The following UMAD1 variants were observed in gnomAD, a reference collection of about 807,000 sequenced individuals.
The protein encoded by UMAD1 is UBAP1-MVB12-associated (UMA) domain containing 1.
A neutral mutation model predicts 6.1 loss-of-function variants in UMAD1; 8 were observed. The ratio of observed to expected loss-of-function variants is 1.30; its 90% confidence interval spans 0.76 to 2.35. UMAD1 has a LOEUF of 2.35. UMAD1 is among the 30% of genes most tolerant of loss of function. The pLI, the probability that UMAD1 is intolerant of heterozygous loss-of-function variation, is 0.00. For missense variants in UMAD1, 130 were observed against 78.4 expected (o/e 1.66, Z -2.49); for synonymous variants, 56 against 31.4 (o/e 1.78, Z -2.61).
chr7:7,731,068 G>A (rs59441244), intron 2 of UMAD1, among the ~76,000 whole-genome samples: 19,637 of 152,102 alleles, frequency 0.13, 1,457 homozygotes, highest in African/African-American at 0.21. Context: ...CACCAATCTC[G>A]GCTCATTGCA....
chr7:7,837,342 A>T (rs1025551790), intron 3 of UMAD1, among the ~76,000 whole-genome samples: 1 of 152,110 alleles, frequency 6.6e-6, no homozygotes, highest in African/African-American at 2.4e-5. Context: ...ATGATCCCAG[A>T]TGGAAGATGT....
intron 2 of UMAD1, among the ~76,000 whole-genome samples, chr7:7,762,366 C>A (rs185270212): frequency 2.0e-5 from 3 of 152,302 alleles, no homozygotes; most frequent in Admixed American, 1.3e-4. Flanking sequence ...AGTCACAACA[C>A]ATTTTAATAT....
Position 7,877,580 on chromosome 7 carries a change from C to A in UMAD1, c.*42C>A, listed in dbSNP as rs1399763271. 2.8e-6 allele frequency: 2 copies of A among 702,642 alleles called. No homozygotes were observed. The highest frequency in any genetic ancestry group is 1.5e-5 in the South Asian group (1 of 66,124). 43.5% of individuals were successfully genotyped at this position (702,642 alleles called of 1,614,324 possible). Reference sequence around the variant, plus strand: ...CACCTTAACAGCTTTAAAATATGTTCGCCTATTTTATCTAACCTGTTTGAT... The same window carrying A: ...CACCTTAACAGCTTTAAAATATGTTAGCCTATTTTATCTAACCTGTTTGAT... On this transcript the variant is annotated 3_prime_UTR_variant, in exon 4 of 4. Coordinates refer to ENST00000682710, the MANE Select transcript of UMAD1 (RefSeq NM_001302348.2).
chr7:7,820,069 G>A (rs1415546981), intron 3 of UMAD1, among the ~76,000 whole-genome samples: 6 of 152,142 alleles, frequency 3.9e-5, no homozygotes, highest in Admixed American at 6.5e-5. Context: ...TGTCACTCAG[G>A]CAAATTTTAG....
At chr7:7,647,529 T>C (rs535936804) in intron 1 of UMAD1, among the ~76,000 whole-genome samples, 3 of 152,346 alleles carry the variant, frequency 2.0e-5, no homozygotes, top group Admixed American at 2.0e-4. Flanking sequence ...AATATCTCAA[T>C]TATCGATAAA....
At chr7:7,688,902 A>G (rs1780103434) in intron 2 of UMAD1, among the ~76,000 whole-genome samples, 1 of 152,142 alleles carries the variant, frequency 6.6e-6, no homozygotes, top group Non-Finnish European at 1.5e-5. Flanking sequence ...CTATTAAGGT[A>G]TTTTCTCCAA....
intron 2 of UMAD1, among the ~76,000 whole-genome samples, chr7:7,693,926 A>G (rs1439435493): frequency 9.2e-5 from 14 of 152,184 alleles, no homozygotes; most frequent in Admixed American, 9.2e-4. Context: ...ATTATTAAAA[A>G]GAAGAGCTTT....
At chr7:7,652,707 G>T (rs1429453319) in intron 1 of UMAD1, among the ~76,000 whole-genome samples, 1 of 152,170 alleles carries the variant, frequency 6.6e-6, no homozygotes, top group East Asian at 1.9e-4. Flanking sequence ...GCCAATTTTG[G>T]GCCCTCAAAA....
At chr7:7,696,966 G>T (rs995878106) in intron 2 of UMAD1, among the ~76,000 whole-genome samples, 4 of 151,878 alleles carry the variant, frequency 2.6e-5, no homozygotes, top group African/African-American at 9.7e-5. Flanking sequence ...AACCAGCTAT[G>T]ACCTAAGCTT....
intron 3 of UMAD1, among the ~76,000 whole-genome samples, chr7:7,832,807 C>A (rs1390740654): frequency 2.0e-5 from 3 of 152,134 alleles, no homozygotes; most frequent in African/African-American, 7.2e-5. Flanking sequence ...AGTAAGTATT[C>A]TACAGAGTGC....
intron 2 of UMAD1, among the ~76,000 whole-genome samples, chr7:7,739,199 A>G (rs1000898460): frequency 6.6e-6 from 1 of 152,248 alleles, no homozygotes; most frequent in African/African-American, 2.4e-5. Context: ...TTAATTCGAC[A>G]GACCACAGAT....
intron 2 of UMAD1, among the ~76,000 whole-genome samples, chr7:7,756,898 G>T (rs765651243): frequency 6.6e-6 from 1 of 152,310 alleles, no homozygotes; most frequent in East Asian, 1.9e-4. Context: ...TGATGTTGCT[G>T]AGTTTTCCTG....
At chr7:7,868,480 A>G (rs2115338470) in intron 3 of UMAD1, 1 of 152,272 alleles carries the variant, frequency 6.6e-6, no homozygotes. Context: ...GGAAGTCGGG[A>G]GAACATTTTT....
At chr7:7,690,387 AAGTATATATTATGTTTTTACTGG>A (rs1262096322) in intron 2 of UMAD1, among the ~76,000 whole-genome samples, 2 of 152,168 alleles carry the variant, frequency 1.3e-5, no homozygotes, top group East Asian at 3.8e-4. Flanking sequence ...GTTTAAAACC[AAGTATATATTATGTTTTTACTGG>A]AGTTGAACAT....
intron 2 of UMAD1, among the ~76,000 whole-genome samples, chr7:7,700,967 T>C (rs527586622): frequency 2.6e-5 from 4 of 152,288 alleles, no homozygotes; most frequent in Admixed American, 1.3e-4. Context: ...AGAGAATTGC[T>C]TGAGCCCAGG....
At chr7:7,719,059 C>T (rs1780989327) in intron 2 of UMAD1, among the ~76,000 whole-genome samples, 1 of 149,218 alleles carries the variant, frequency 6.7e-6, no homozygotes, top group South Asian at 2.1e-4. Flanking sequence ...CATAACTTTC[C>T]TTTTATTGTG....
At chr7:7,726,663 C>T (rs189402189) in intron 2 of UMAD1, among the ~76,000 whole-genome samples, 75 of 152,288 alleles carry the variant, frequency 4.9e-4, no homozygotes, top group African/African-American at 1.8e-3. Flanking sequence ...TTTCCTGTGA[C>T]ATTACGTTCT....
At chr7:7,736,680 A>T (rs1033973214) in intron 2 of UMAD1, 7 of 150,440 alleles carry the variant, frequency 4.7e-5, no homozygotes, top group Non-Finnish European at 7.4e-5. Context: ...TTAAGAAAGA[A>T]TTCTCTCTCT....
chr7:7,819,024 A>G (rs1048826421), intron 3 of UMAD1, among the ~76,000 whole-genome samples: 2 of 151,944 alleles, frequency 1.3e-5, no homozygotes, highest in Admixed American at 1.3e-4. Context: ...TAATTTTTGT[A>G]TTTTTAGTAG....
Sources: gnomAD v4.1 joint callset for allele counts (sites outside exome capture counted in the v4.1 genomes callset) on GRCh38, gnomAD v4.1.1 for gene constraint, MANE v1.5 for transcripts, NCBI Gene and HGNC (gene_info 2026-07-23, HGNC 2026-07-21) for gene names.